RBFOX1: variants seen among roughly 807,000 people sequenced by gnomAD.
RBFOX1 encodes RNA binding fox-1 homolog 1, also known as RNA binding protein fox-1 homolog 1.
Under a neutral mutation model 57.7 loss-of-function variants are expected in RBFOX1, and 8 were observed. That is an observed-to-expected ratio of 0.14 (90% CI 0.08 to 0.25). RBFOX1 has a LOEUF of 0.25. Among genes scored for constraint, RBFOX1 ranks in the 10% least tolerant of loss-of-function variants. The probability of loss-of-function intolerance (pLI) is 1.00; values close to 1 mark genes in which losing one functional copy is unlikely to be tolerated. For missense variants in RBFOX1, 611 were observed against 548.5 expected, an observed-to-expected ratio of 1.11 and a Z score of -1.14; for synonymous variants, 326 against 222.4, an observed-to-expected ratio of 1.47 and a Z score of -4.15.
intron 1 of RBFOX1, among the ~76,000 whole-genome samples, chr16:6,136,756 C>G (rs185446399): frequency 1.3e-5 from 2 of 152,088 alleles, no homozygotes; most frequent in Non-Finnish European, 2.9e-5. Context: ...CATCACAAGC[C>G]GACATTTGTA....
At chr16:6,941,424 A>C (rs1351853676) in intron 3 of RBFOX1, among the ~76,000 whole-genome samples, 6 of 151,462 alleles carry the variant, frequency 4.0e-5, no homozygotes, top group Admixed American at 1.3e-4. Flanking sequence ...AATATTAGGA[A>C]ATCCCTAATT....
intron 5 of RBFOX1, among the ~76,000 whole-genome samples, chr16:7,544,659 C>T (rs2083906690): frequency 6.6e-6 from 1 of 152,098 alleles, no homozygotes; most frequent in Non-Finnish European, 1.5e-5. Context: ...TAGGCAACAC[C>T]TTGATTTTGA....
intron 3 of RBFOX1, among the ~76,000 whole-genome samples, chr16:5,815,638 G>T (rs1054544471): frequency 1.3e-5 from 2 of 152,182 alleles, no homozygotes; most frequent in African/African-American, 4.8e-5. Flanking sequence ...GAGGCAGAGA[G>T]AATCATTTTT....
At chr16:7,704,171 C>T (rs140995596) in intron 14 of RBFOX1, among the ~76,000 whole-genome samples, 3,620 of 152,256 alleles carry the variant, frequency 0.024, 63 homozygotes, top group Non-Finnish European at 0.039. Context: ...GATCTTTTTG[C>T]CCCAAGTCCT....
intron 3 of RBFOX1, among the ~76,000 whole-genome samples, chr16:6,667,294 A>G (rs1358854915): frequency 1.3e-5 from 2 of 152,130 alleles, no homozygotes; most frequent in South Asian, 2.1e-4. Flanking sequence ...GCACTGAGGT[A>G]GATCGGGCTA....
At chr16:6,485,194 A>G (rs1420080) in intron 2 of RBFOX1, among the ~76,000 whole-genome samples, 101,880 of 152,030 alleles carry the variant, frequency 0.67, 34,326 homozygotes, top group South Asian at 0.77. Context: ...TTTCATTTAA[A>G]AAGCAAGATT....
At chr16:7,690,065 C>G (rs943147358) in intron 14 of RBFOX1, among the ~76,000 whole-genome samples, 2 of 152,232 alleles carry the variant, frequency 1.3e-5, no homozygotes, top group East Asian at 1.9e-4. Flanking sequence ...CTTGAATCCA[C>G]TTCCTTGAAT....
At chr16:5,522,677 C>G (rs2044067483) in intron 2 of RBFOX1, among the ~76,000 whole-genome samples, 1 of 152,176 alleles carries the variant, frequency 6.6e-6, no homozygotes, top group South Asian at 2.1e-4. Flanking sequence ...TCTCTCATCT[C>G]TCCACTCCCC....
chr16:5,252,506 A>G (rs897888110), intron 1 of RBFOX1, among the ~76,000 whole-genome samples: 1 of 152,172 alleles, frequency 6.6e-6, no homozygotes, highest in African/African-American at 2.4e-5. Context: ...GACTCTCTCC[A>G]GGTGTCTGTA....
chr16:6,492,718 G>A (rs55897253), intron 2 of RBFOX1, among the ~76,000 whole-genome samples: 49,845 of 152,148 alleles, frequency 0.33, 8,942 homozygotes, highest in Non-Finnish European at 0.41. Flanking sequence ...AAACTGGAGC[G>A]GAGGAAATAC....
chr16:5,640,648 C>T (rs1487926719), intron 3 of RBFOX1, among the ~76,000 whole-genome samples: 1 of 151,888 alleles, frequency 6.6e-6, no homozygotes, highest in East Asian at 1.9e-4. Flanking sequence ...CAAACACATG[C>T]ACAGCATGCA....
intron 4 of RBFOX1, among the ~76,000 whole-genome samples, chr16:7,179,604 T>TTA (rs1555537319): frequency 1.3e-5 from 2 of 152,010 alleles, no homozygotes; most frequent in Admixed American, 6.6e-5. Flanking sequence ...CCTTTTTTTT[T>TTA]TATATATTAA....
chr16:6,483,662 A>C, intron 2 of RBFOX1: 3 of 784,562 alleles, frequency 3.8e-6, no homozygotes, highest in Non-Finnish European at 3.3e-6. Flanking sequence ...AAGCCCACTG[A>C]CTCCGCGGGA....
intron 3 of RBFOX1, among the ~76,000 whole-genome samples, chr16:6,690,023 T>G (rs930409337): frequency 6.6e-6 from 1 of 152,194 alleles, no homozygotes; most frequent in Non-Finnish European, 1.5e-5. Context: ...AAGTTAATCT[T>G]CTTTGGGTAA....
At chr16:5,786,357 C>T (rs981822928) in intron 3 of RBFOX1, among the ~76,000 whole-genome samples, 7 of 152,230 alleles carry the variant, frequency 4.6e-5, no homozygotes, top group Admixed American at 6.5e-5. Context: ...CCCTTGATAA[C>T]GTCCATTCCT....
intron 1 of RBFOX1, among the ~76,000 whole-genome samples, chr16:6,103,958 G>A (rs561748246): frequency 1.3e-5 from 2 of 152,082 alleles, no homozygotes; most frequent in South Asian, 2.1e-4. Context: ...TAGCCATTGG[G>A]GCTCAGCCTC....
At chr16:6,860,560 A>C (rs1387122217) in intron 3 of RBFOX1, among the ~76,000 whole-genome samples, 2 of 152,192 alleles carry the variant, frequency 1.3e-5, no homozygotes, top group Admixed American at 6.5e-5. Flanking sequence ...TTCATCCCTA[A>C]ATGCACACAT....
At chr16:5,521,104 A>C (rs2043995461) in intron 2 of RBFOX1, among the ~76,000 whole-genome samples, 1 of 152,204 alleles carries the variant, frequency 6.6e-6, no homozygotes, top group African/African-American at 2.4e-5. Context: ...TTTATGAGAA[A>C]AATAAGCCCC....
At chr16:6,183,935 T>G (rs1050295965) in intron 1 of RBFOX1, among the ~76,000 whole-genome samples, 4 of 152,182 alleles carry the variant, frequency 2.6e-5, no homozygotes, top group African/African-American at 7.2e-5. Context: ...TTCACACTGC[T>G]GGTAAAGACA....
Sources: gnomAD v4.1 joint callset for allele counts (sites outside exome capture counted in the v4.1 genomes callset) on GRCh38, gnomAD v4.1.1 for gene constraint, MANE v1.5 for transcripts, NCBI Gene and HGNC (gene_info 2026-07-23, HGNC 2026-07-21) for gene names.